Variants in VGLL4 observed in about 807,000 individuals in gnomAD.
The protein encoded by VGLL4 is vestigial like family member 4, also known as transcription cofactor vestigial-like protein 4.
In VGLL4, 7 loss-of-function variants were observed where a neutral mutation model predicts 21.0. The observed-to-expected ratio is 0.33, with a 90% CI of 0.19 to 0.63. VGLL4 has a LOEUF of 0.63. Ranked by LOEUF, VGLL4 falls within the 20% of genes least tolerant of loss-of-function variation. The pLI is 0.78. For synonymous variants in VGLL4, 222 were observed against 173.2 expected (o/e 1.28, Z -2.21); for missense variants, 394 against 425.7 (o/e 0.93, Z 0.66).
intron 1 of VGLL4, among the ~76,000 whole-genome samples, chr3:11,710,914 A>G (rs1406551054): frequency 6.6e-6 from 1 of 152,016 alleles, no homozygotes; most frequent in Non-Finnish European, 1.5e-5. Context: ...AGTCTGGCCA[A>G]CATGGTGAAA....
At chr3:11,581,522 G>A (rs892714077) in intron 2 of VGLL4, among the ~76,000 whole-genome samples, 5 of 152,228 alleles carry the variant, frequency 3.3e-5, no homozygotes, top group East Asian at 3.9e-4. Flanking sequence ...AGCTTCATTC[G>A]GAACAAGGAG....
intron 2 of VGLL4, among the ~76,000 whole-genome samples, chr3:11,694,657 T>C (rs941109596): frequency 6.6e-6 from 1 of 151,284 alleles, no homozygotes; most frequent in Non-Finnish European, 1.5e-5. Context: ...ACAAACCCAA[T>C]ATATAACTGA....
At chr3:11,641,901 A>G (rs1361145469) in intron 1 of VGLL4, among the ~76,000 whole-genome samples, 1 of 152,036 alleles carries the variant, frequency 6.6e-6, no homozygotes, top group Non-Finnish European at 1.5e-5. Flanking sequence ...TAACAATCTT[A>G]TATTTCTCTC....
At chr3:11,708,765 A>C (rs1354170532) in intron 1 of VGLL4, among the ~76,000 whole-genome samples, 1 of 151,986 alleles carries the variant, frequency 6.6e-6, no homozygotes, top group Non-Finnish European at 1.5e-5. Context: ...TGATAACCAA[A>C]AATAATCCAT....
At chr3:11,614,436 G>A (rs900717174) in intron 1 of VGLL4, among the ~76,000 whole-genome samples, 3 of 152,212 alleles carry the variant, frequency 2.0e-5, no homozygotes, top group African/African-American at 4.8e-5. Context: ...TGGTGGTCCC[G>A]GAAACCAGTT....
chr3:11,615,332 T>C (rs886764735), intron 1 of VGLL4, among the ~76,000 whole-genome samples: 1 of 152,236 alleles, frequency 6.6e-6, no homozygotes, highest in Admixed American at 6.5e-5. Context: ...TTCTCTTTCG[T>C]GACACTGATG....
chr3:11,583,557 T>C (rs2074290244), intron 2 of VGLL4, among the ~76,000 whole-genome samples: 1 of 152,190 alleles, frequency 6.6e-6, no homozygotes, highest in South Asian at 2.1e-4. Context: ...AACAAGAGAC[T>C]ATCAAATACT....
intron 1 of VGLL4, among the ~76,000 whole-genome samples, chr3:11,617,636 C>T (rs1417200045): frequency 1.3e-5 from 2 of 152,180 alleles, no homozygotes; most frequent in Non-Finnish European, 2.9e-5. Context: ...ATACATTGAC[C>T]TGATCTTTCC....
chr3:11,614,789 G>A (rs1172530164), intron 1 of VGLL4, among the ~76,000 whole-genome samples: 2 of 152,206 alleles, frequency 1.3e-5, no homozygotes, highest in Admixed American at 1.3e-4. Context: ...CCATTCGAGA[G>A]CCTGACAACC....
At chr3:11,575,158 T>C (rs1440244182) in intron 2 of VGLL4, among the ~76,000 whole-genome samples, 1 of 152,148 alleles carries the variant, frequency 6.6e-6, no homozygotes. Flanking sequence ...AGTAGGGACT[T>C]GGGTCCTTGC....
chr3:11,717,335 C>T (rs150960439), intron 1 of VGLL4, among the ~76,000 whole-genome samples: 1 of 151,758 alleles, frequency 6.6e-6, no homozygotes, highest in Non-Finnish European at 1.5e-5. Context: ...CATTATTTTA[C>T]TAAGGCAAAT....
At chr3:11,659,519 A>T (rs2125352853) in intron 2 of VGLL4, among the ~76,000 whole-genome samples, 1 of 151,476 alleles carries the variant, frequency 6.6e-6, no homozygotes, top group African/African-American at 2.4e-5. Context: ...TTCAGTAGAG[A>T]CGGGGTTTCT....
In VGLL4 at chr3:11,564,969, C is replaced by A; in HGVS notation, c.323G>T (p.Arg108Leu). The A allele has an allele frequency of 6.5e-7, 1 of 1,540,980 alleles. No homozygotes were observed. Among genetic ancestry groups the A allele is most frequent in the Non-Finnish European group, 8.7e-7 (1 of 1,144,402 alleles). ...DCRRDPRERS[R>L]SPIERAVAPT... is the part of the protein sequence containing the mutation. Reference sequence around the variant, plus strand: ...GGCCACAGCGCGCTCGATGGGGCTGCGGCTCCGCTCCCGGGGGTCTCTGCG... The same window carrying A: ...GGCCACAGCGCGCTCGATGGGGCTGAGGCTCCGCTCCCGGGGGTCTCTGCG... Residue 108 changes from arginine to leucine, a missense_variant, in exon 3 of 5, where the codon CGC (arginine) becomes CTC (leucine). Transcript: ENST00000430365.
chr3:11,640,298 C>A (rs2075664376), intron 1 of VGLL4, among the ~76,000 whole-genome samples: 1 of 151,936 alleles, frequency 6.6e-6, no homozygotes, highest in African/African-American at 2.4e-5. Flanking sequence ...ACGAGGCTTT[C>A]GCCAGTCTAG....
intron 2 of VGLL4, among the ~76,000 whole-genome samples, chr3:11,702,490 A>G (rs2125404721): frequency 6.7e-6 from 1 of 148,322 alleles, no homozygotes; most frequent in East Asian, 2.0e-4. Context: ...TTAGCTGGGC[A>G]TTGTGGCAGG....
chr3:11,664,723 G>C (rs3846116), intron 2 of VGLL4, among the ~76,000 whole-genome samples: 117,725 of 152,116 alleles, frequency 0.77, 45,727 homozygotes, highest in South Asian at 0.83. Flanking sequence ...CACTTAGGAA[G>C]AGGTACTACC....
Position 11,568,273 on chromosome 3 carries a change from G to A in VGLL4, c.273-3254C>T, listed in dbSNP as rs748310298. Among the ~76,000 whole-genome samples, 6 of 152,188 alleles carry A rather than the reference G, an allele frequency of 3.9e-5. No homozygotes were observed. The highest frequency in any genetic ancestry group is 8.8e-5 in the Non-Finnish European group (6 of 68,034). On this transcript the variant is annotated intron_variant, in intron 2 of 4. Coordinates refer to ENST00000430365, the MANE Select transcript of VGLL4 (RefSeq NM_001128219.3). The surrounding 1 kb of genome is among the most constrained non-coding windows in gnomAD (Gnocchi z 5.9). ...TGTCCTAGGGGCACGGCACAGTCAC[G>A]CAGATGACTCAGCTGCGCCTTAGGA...
chr3:11,674,161 G>A (rs879326637), intron 2 of VGLL4, among the ~76,000 whole-genome samples: 1 of 151,910 alleles, frequency 6.6e-6, no homozygotes, highest in South Asian at 2.1e-4. Flanking sequence ...TCAATCCAAT[G>A]AGAATGGAGA....
chr3:11,595,717 C>T (rs7622531), intron 2 of VGLL4, among the ~76,000 whole-genome samples: 122,548 of 150,858 alleles, frequency 0.81, 50,142 homozygotes, highest in Non-Finnish European at 0.86. Context: ...ATCATCATTC[C>T]CAGTAAACTA....
Sources: allele counts gnomAD v4.1 joint callset (sites outside exome capture counted in the v4.1 genomes callset), GRCh38; gene constraint gnomAD v4.1.1; non-coding constraint Gnocchi (gnomAD v3.1); transcripts MANE v1.5; gene names NCBI Gene and HGNC (gene_info 2026-07-23, HGNC 2026-07-21).